RAB7A: variants seen among roughly 807,000 people sequenced by gnomAD.
RAB7A encodes ras-related protein Rab-7a.
A neutral mutation model predicts 24.5 loss-of-function variants in RAB7A; 2 were observed. The observed-to-expected ratio is 0.08, with a 90% CI of 0.03 to 0.26. The LOEUF (loss-of-function observed/expected upper bound fraction) is 0.26. Ranked by LOEUF, RAB7A falls within the 10% of genes least tolerant of loss-of-function variation. RAB7A has a pLI of 1.00. For synonymous variants in RAB7A, 100 were observed against 95.9 expected (o/e 1.04, Z -0.25); for missense variants, 118 against 255.7 (o/e 0.46, Z 3.67).
chr3:128,793,432 G>C (rs1933503733), intron 1 of RAB7A, among the ~76,000 whole-genome samples: 1 of 150,336 alleles, frequency 6.7e-6, no homozygotes, highest in African/African-American at 2.5e-5. Flanking sequence ...GTTATTACAA[G>C]CATGAGCCAC....
chr3:128,798,821 TAAAAAA>T (rs56925997), intron 3 of RAB7A: 64 of 150,522 alleles, frequency 4.3e-4, no homozygotes, highest in South Asian at 1.5e-3. Context: ...TCTCTAAATT[TAAAAAA>T]AAAAAAAAAA....
At chr3:128,759,299 A>G (rs1352103203) in intron 1 of RAB7A, among the ~76,000 whole-genome samples, 1 of 152,224 alleles carries the variant, frequency 6.6e-6, no homozygotes, top group African/African-American at 2.4e-5. Flanking sequence ...TGGAAAAGCC[A>G]CAGGAGCTTA....
chr3:128,726,262 G>T lies in RAB7A; in HGVS notation c.-106G>T, dbSNP rs1435868019. ...AGCTCGGGAGAGTTCCCTGGAACCA[G>T]AACTTGGACCTTCTCGCTTCTGTCC... On this transcript the variant is annotated 5_prime_UTR_variant, in exon 1 of 6. Transcript: ENST00000265062. 6.5e-6 allele frequency: 1 copy of T among 153,222 alleles called. No homozygotes were observed. Among genetic ancestry groups the T allele is most frequent in the Non-Finnish European group, 1.5e-5 (1 of 68,604 alleles). The allele number at this position is 153,222 out of a possible 1,614,324, so 9.5% of individuals were successfully genotyped here. A position where few individuals can be genotyped will look rare whatever the true frequency, so the allele number is the denominator to read the frequency against.
chr3:128,781,076 G>C (rs1019568816), intron 1 of RAB7A, among the ~76,000 whole-genome samples: 1 of 152,148 alleles, frequency 6.6e-6, no homozygotes, highest in Admixed American at 6.5e-5. Flanking sequence ...GCAGTTTTAG[G>C]TAGTATATAG....
intron 1 of RAB7A, among the ~76,000 whole-genome samples, chr3:128,734,033 C>T (rs143835560): frequency 6.6e-6 from 1 of 152,240 alleles, no homozygotes; most frequent in African/African-American, 2.4e-5. Flanking sequence ...GTTTACTCAC[C>T]AGTGTAGGGG....
At chr3:128,766,740 A>T (rs780810488) in intron 1 of RAB7A, among the ~76,000 whole-genome samples, 14 of 152,070 alleles carry the variant, frequency 9.2e-5, no homozygotes, top group Non-Finnish European at 2.1e-4. Context: ...GGGTTTTACC[A>T]TGTTAACCAG....
chr3:128,743,385 G>A (rs1231172106), intron 1 of RAB7A, among the ~76,000 whole-genome samples: 1 of 152,256 alleles, frequency 6.6e-6, no homozygotes, highest in Non-Finnish European at 1.5e-5. Flanking sequence ...TACAGCAGCA[G>A]GCTGAAGGGG....
rs150066068 is a variant in RAB7A at position 128,811,460 on chromosome 3, A to G, written c.529-1867A>G. ...CCATGCATTCTAATATTATTCAGCT[A>G]TAAGAAGGAATGAAGTAGTGACACA... is the stretch of plus-strand genomic sequence containing the variant. On this transcript the variant is annotated intron_variant, in intron 5 of 5. Transcript: ENST00000265062. Among the ~76,000 whole-genome samples, 429 of 152,368 alleles carry G rather than the reference A, an allele frequency of 2.8e-3. 1 individual carries two copies. Among genetic ancestry groups the G allele is most frequent in the Middle Eastern group, 0.01 (3 of 294 alleles).
intron 1 of RAB7A, among the ~76,000 whole-genome samples, chr3:128,785,612 C>T (rs908497408): frequency 3.3e-5 from 5 of 151,788 alleles, no homozygotes; most frequent in African/African-American, 7.3e-5. Flanking sequence ...TACAAAAAGG[C>T]GTGGTGGCTC....
In RAB7A at chr3:128,795,430, T is replaced by G. The variant is rs749863950; in HGVS notation, c.53+10T>G. 1 of 1,609,742 alleles carries G rather than the reference T, an allele frequency of 6.2e-7. No homozygotes were observed. Among genetic ancestry groups the G allele is most frequent in the South Asian group, 1.1e-5 (1 of 90,998 alleles). ...TCCTGGGAGATTCTGGGTAAGTTAC[T>G]CATGAATTTGAGCTAACAGATTGGC... On this transcript the variant is annotated intron_variant, in intron 2 of 5. Coordinates refer to ENST00000265062, the MANE Select transcript of RAB7A (RefSeq NM_004637.6).
At chr3:128,777,562 G>A (rs898213078) in intron 1 of RAB7A, among the ~76,000 whole-genome samples, 1 of 152,134 alleles carries the variant, frequency 6.6e-6, no homozygotes, top group East Asian at 1.9e-4. Context: ...CTCCTCAGGA[G>A]GACTGTCTCC....
At chr3:128,798,145 T>A in intron 3 of RAB7A, 76 bp downstream of exon 3, 2 of 1,545,936 alleles carry the variant, frequency 1.3e-6, no homozygotes, top group Non-Finnish European at 1.8e-6. Context: ...TGCATAGACA[T>A]TTTCCTTCCC....
chr3:128,811,561 A>G (rs780704316), intron 5 of RAB7A, among the ~76,000 whole-genome samples: 5 of 152,220 alleles, frequency 3.3e-5, no homozygotes, highest in Non-Finnish European at 7.3e-5. Context: ...TTTCAGTGAA[A>G]TGTCCAGCCC....
chr3:128,765,801 G>A (rs1382486575), intron 1 of RAB7A, among the ~76,000 whole-genome samples: 1 of 139,842 alleles, frequency 7.2e-6, no homozygotes, highest in African/African-American at 2.7e-5. Flanking sequence ...CTCTCTTGTC[G>A]CCCAAGTTGG....
intron 1 of RAB7A, among the ~76,000 whole-genome samples, chr3:128,768,352 G>A (rs893205888): frequency 2.0e-5 from 3 of 152,100 alleles, no homozygotes; most frequent in African/African-American, 4.8e-5. Context: ...GTTGATTCAC[G>A]TTTCTGGCTG....
intron 1 of RAB7A, among the ~76,000 whole-genome samples, chr3:128,793,707 G>A (rs1933509565): frequency 6.6e-6 from 1 of 152,118 alleles, no homozygotes; most frequent in South Asian, 2.1e-4. Flanking sequence ...GATAGTTTGG[G>A]GTATACCTCT....
chr3:128,746,863 A>G (rs1486421422), intron 1 of RAB7A, among the ~76,000 whole-genome samples: 1 of 151,642 alleles, frequency 6.6e-6, no homozygotes, highest in Admixed American at 6.6e-5. Flanking sequence ...CACATTGGTG[A>G]TATCACGTGG....
At chr3:128,737,879 T>C (rs2070508412) in intron 1 of RAB7A, among the ~76,000 whole-genome samples, 1 of 144,686 alleles carries the variant, frequency 6.9e-6, no homozygotes, top group Admixed American at 7.0e-5. Context: ...TTTCACCGTG[T>C]TGCCTAGGCT....
chr3:128,734,781 A>C (rs1316366723), intron 1 of RAB7A, among the ~76,000 whole-genome samples: 1 of 152,238 alleles, frequency 6.6e-6, no homozygotes, highest in Non-Finnish European at 1.5e-5. Flanking sequence ...TTTCACCACC[A>C]GCCTTTTGGC....
Sources: gnomAD v4.1 joint callset for allele counts (sites outside exome capture counted in the v4.1 genomes callset) on GRCh38, gnomAD v4.1.1 for gene constraint, MANE v1.5 for transcripts, NCBI Gene and HGNC (gene_info 2026-07-23, HGNC 2026-07-21) for gene names.